KCNMA1: variants seen among roughly 807,000 people sequenced by gnomAD.
KCNMA1 encodes potassium calcium-activated channel subfamily M alpha 1.
In KCNMA1, 29 loss-of-function variants were observed where a neutral mutation model predicts 140.0. The ratio of observed to expected loss-of-function variants is 0.21; its 90% CI spans 0.15 to 0.28. The LOEUF (loss-of-function observed/expected upper bound fraction) is 0.28, where lower values mean the gene tolerates loss of function less well. Among genes scored for constraint, KCNMA1 ranks in the 10% least tolerant of loss-of-function variants. The pLI is 1.00. For synonymous variants in KCNMA1, 612 were observed against 611.9 expected, an observed-to-expected ratio of 1.00 and a Z score of 0.00; for missense variants, 880 against 1,602.2, an observed-to-expected ratio of 0.55 and a Z score of 7.70.
In KCNMA1 at chr10:76,949,291, G is replaced by A; in HGVS notation, c.2560C>T (p.Leu854=). The stretch of plus-strand genomic sequence containing the variant: ...ATCACCAGGTTCCGGAGGCCGATCA[G>A]GGCTGAGCTGACGTCGCCAAAGATG... ...VCIFGDVSSA[L]IGLRNLVMPL... Residue 854 remains leucine, a synonymous_variant, in exon 22 of 28, where the codon CTG becomes TTG. Coordinates refer to ENST00000286628, the MANE Select transcript of KCNMA1 (RefSeq NM_001161352.2). 6.2e-7 allele frequency: 1 copy of A among 1,614,176 alleles called. No individual in the cohort carries two copies. Among genetic ancestry groups the A allele is most frequent in the Non-Finnish European group, 8.5e-7 (1 of 1,180,034 alleles).
chr10:77,102,313 G>A (rs2153829680), intron 9 of KCNMA1, among the ~76,000 whole-genome samples: 1 of 152,338 alleles, frequency 6.6e-6, no homozygotes, highest in Middle Eastern at 3.4e-3. Flanking sequence ...GACAAGACAT[G>A]AGTGTGGTGG....
At chr10:77,385,616 C>T (rs145842117) in intron 2 of KCNMA1, among the ~76,000 whole-genome samples, 134 of 152,266 alleles carry the variant, frequency 8.8e-4, no homozygotes, top group African/African-American at 2.8e-3. Context: ...CAAGTGTATG[C>T]GAATACTCTC....
chr10:77,527,811 G>C (rs1287112382), intron 1 of KCNMA1, among the ~76,000 whole-genome samples: 1 of 152,154 alleles, frequency 6.6e-6, no homozygotes, highest in Non-Finnish European at 1.5e-5. Flanking sequence ...GGGTGGCTGA[G>C]TGGGCCCTGG....
At chr10:77,058,673 AAG>A (rs1423378218) in intron 14 of KCNMA1, among the ~76,000 whole-genome samples, 1 of 152,114 alleles carries the variant, frequency 6.6e-6, no homozygotes, top group African/African-American at 2.4e-5. Context: ...TGGATCAAAG[AAG>A]TTTCATGTGA....
chr10:77,519,685 A>T (rs1011566390), intron 1 of KCNMA1, among the ~76,000 whole-genome samples: 6 of 152,228 alleles, frequency 3.9e-5, no homozygotes, highest in African/African-American at 1.4e-4. Flanking sequence ...AAATAACATG[A>T]GTGATTATAA....
intron 2 of KCNMA1, among the ~76,000 whole-genome samples, chr10:77,263,746 G>A (rs1034366049): frequency 3.3e-5 from 5 of 152,052 alleles, no homozygotes; most frequent in African/African-American, 9.7e-5. Context: ...CACCAACATC[G>A]GCTGTGCAGG....
chr10:77,422,876 G>A (rs2096897202), intron 1 of KCNMA1, among the ~76,000 whole-genome samples: 1 of 152,240 alleles, frequency 6.6e-6, no homozygotes, highest in Non-Finnish European at 1.5e-5. Context: ...GGCTGGCCCT[G>A]CTGACATCTT....
intron 3 of KCNMA1, among the ~76,000 whole-genome samples, chr10:77,247,999 G>A (rs1035754706): frequency 1.3e-5 from 2 of 152,072 alleles, no homozygotes; most frequent in African/African-American, 4.8e-5. Context: ...CAAAGAAAAC[G>A]CCCTATGCTG....
At chr10:76,960,828 A>G (rs2071073063) in intron 20 of KCNMA1, among the ~76,000 whole-genome samples, 1 of 151,980 alleles carries the variant, frequency 6.6e-6, no homozygotes, top group Non-Finnish European at 1.5e-5. Context: ...AGGCATTTAC[A>G]TCTGTTTACA....
At chr10:77,406,541 C>T (rs772937111) in intron 1 of KCNMA1, among the ~76,000 whole-genome samples, 34 of 152,136 alleles carry the variant, frequency 2.2e-4, no homozygotes, top group South Asian at 2.1e-4. Context: ...AACCTACATT[C>T]GAACCAAGAT....
intron 22 of KCNMA1, among the ~76,000 whole-genome samples, chr10:76,948,011 TTG>T (rs2064833246): frequency 6.6e-6 from 1 of 152,164 alleles, no homozygotes; most frequent in African/African-American, 2.4e-5. Flanking sequence ...TGTTTTGTTT[TTG>T]TTTTTGTTTG....
rs562020379 is a variant in KCNMA1, at chr10:77,368,695, A to C, written c.540+35167T>G. Among the ~76,000 whole-genome samples, 5 of 152,288 alleles carry C rather than the reference A, an allele frequency of 3.3e-5. No individual in the cohort carries two copies. The South Asian group carries it at 1.0e-3, about 32-fold the overall frequency. On this transcript the variant is annotated intron_variant, in intron 2 of 27. Transcript: ENST00000286628. ...TTATATCTGTGATCCACTTTGAGTCAATTTTTGTATAAGACATGAAGTTTA... is the reference window on the plus strand; with the variant it reads ...TTATATCTGTGATCCACTTTGAGTCCATTTTTGTATAAGACATGAAGTTTA...
In KCNMA1 at chr10:77,108,425, G is replaced by T; in HGVS notation, c.1223+56C>A. On this transcript the variant is annotated intron_variant, in intron 9 of 27. Transcript: ENST00000286628. The surrounding 1 kb of genome is among the most constrained non-coding windows in gnomAD (Gnocchi z 4.6). ...CAAGAGCCAAAAAAAAAAAAAAATG[G>T]CATGCAGAGAGGATTCTACCGCAGC... The T allele has an allele frequency of 6.5e-7, 1 of 1,535,108 alleles. No individual in the cohort carries two copies. The highest frequency in any genetic ancestry group is 8.9e-7 in the Non-Finnish European group (1 of 1,118,324).
At chr10:77,526,876 C>A (rs1392977521) in intron 1 of KCNMA1, among the ~76,000 whole-genome samples, 1 of 152,084 alleles carries the variant, frequency 6.6e-6, no homozygotes, top group East Asian at 1.9e-4. Flanking sequence ...CTCTCCATAT[C>A]TCCCCCTCTC....
intron 2 of KCNMA1, 61 bp downstream of exon 2, chr10:77,403,801 G>A: frequency 1.3e-6 from 2 of 1,540,264 alleles, no homozygotes; most frequent in Non-Finnish European, 8.8e-7. Context: ...CGTCTCATAA[G>A]CAAAGCCACC....
chr10:77,006,728 T>C (rs1397003843), intron 18 of KCNMA1, among the ~76,000 whole-genome samples: 1 of 152,232 alleles, frequency 6.6e-6, no homozygotes, highest in Non-Finnish European at 1.5e-5. Flanking sequence ...TATTTGGCAC[T>C]AGAGTTGTTG....
At chr10:76,966,074 G>A (rs1014572390) in intron 20 of KCNMA1, among the ~76,000 whole-genome samples, 1 of 152,208 alleles carries the variant, frequency 6.6e-6, no homozygotes, top group African/African-American at 2.4e-5. Flanking sequence ...CTATTAGACT[G>A]TGTGGAAGTT....
chr10:77,085,828 T>G (rs906107473), intron 11 of KCNMA1, among the ~76,000 whole-genome samples: 3 of 152,224 alleles, frequency 2.0e-5, no homozygotes, highest in Non-Finnish European at 2.9e-5. Flanking sequence ...ATATTGAACA[T>G]GCTTACAAAA....
intron 2 of KCNMA1, among the ~76,000 whole-genome samples, chr10:77,396,318 GAGAGAC>G (rs759044966): frequency 3.9e-5 from 6 of 152,278 alleles, no homozygotes; most frequent in Non-Finnish European, 5.9e-5. Context: ...TGAGGGGGGT[GAGAGAC>G]AGAGACAGAG....
Sources: allele counts gnomAD v4.1 joint callset (sites outside exome capture counted in the v4.1 genomes callset), GRCh38; gene constraint gnomAD v4.1.1; non-coding constraint Gnocchi (gnomAD v3.1); transcripts MANE v1.5; gene names NCBI Gene and HGNC (gene_info 2026-07-23, HGNC 2026-07-21).